PHF24: variants seen among roughly 807,000 people sequenced by gnomAD.
PHF24 encodes the protein PHD finger protein 24, also known as Galpha inhibitory interacting protein.
Under a neutral mutation model 42.6 loss-of-function variants are expected in PHF24, and 25 were observed. That is an observed-to-expected ratio of 0.59 (90% CI 0.43 to 0.82). The LOEUF (loss-of-function observed/expected upper bound fraction) is 0.82. Among genes scored for constraint, PHF24 ranks in the 40% least tolerant of loss-of-function variants. The pLI, the probability that PHF24 is intolerant of heterozygous loss-of-function variation, is 0.00. For missense variants in PHF24, 470 were observed against 538.1 expected (o/e 0.87, Z 1.25); for synonymous variants, 185 against 204.8 (o/e 0.90, Z 0.83).
chr9:34,766,650 C>T, the PHF24 span, among the ~76,000 whole-genome samples: 2 of 152,174 alleles, frequency 1.3e-5, no homozygotes, highest in Non-Finnish European at 2.9e-5. Flanking sequence ...TTTGAATTTC[C>T]TCCTGTAGCT....
At chr9:34,717,009 G>T in the PHF24 span, among the ~76,000 whole-genome samples, 1 of 152,152 alleles carries the variant, frequency 6.6e-6, no homozygotes, top group African/African-American at 2.4e-5. Context: ...TGTTTTCCAG[G>T]ACCTCCACAG....
chr9:34,674,405 TC>T, the PHF24 span, among the ~76,000 whole-genome samples: 5 of 152,254 alleles, frequency 3.3e-5, no homozygotes. Flanking sequence ...TGAAGCTGAG[TC>T]TGGATCAGGG....
chr9:34,969,127 A>G (rs1445452112), intron 1 of PHF24, among the ~76,000 whole-genome samples: 3 of 152,268 alleles, frequency 2.0e-5, no homozygotes, highest in African/African-American at 7.2e-5. Flanking sequence ...AAGGGAGGCC[A>G]GACCATGCAG....
At chr9:34,709,348 C>T in the PHF24 span, 5 of 1,600,946 alleles carry the variant, frequency 3.1e-6, no homozygotes, top group Non-Finnish European at 4.3e-6. Flanking sequence ...GCTTCAAGCG[C>T]TGGTGAGGCT....
chr9:34,945,654 G>T, the PHF24 span, among the ~76,000 whole-genome samples: 1 of 152,128 alleles, frequency 6.6e-6, no homozygotes, highest in African/African-American at 2.4e-5. Flanking sequence ...TTGATAAAAT[G>T]ATGTTTGGTC....
At chr9:34,969,745 T>C (rs753097364) in intron 1 of PHF24, among the ~76,000 whole-genome samples, 49 of 152,328 alleles carry the variant, frequency 3.2e-4, no homozygotes, top group Non-Finnish European at 6.0e-4. Context: ...ATTTCCATGG[T>C]AACAGATACA....
At chr9:34,923,013 G>T in the PHF24 span, 1 of 615,376 alleles carries the variant, frequency 1.6e-6, no homozygotes, top group Non-Finnish European at 2.5e-6. Context: ...CCTGGGCTCC[G>T]GCCCGCCTAG....
At chr9:34,847,941 T>A in the PHF24 span, among the ~76,000 whole-genome samples, 1 of 152,190 alleles carries the variant, frequency 6.6e-6, no homozygotes, top group Admixed American at 6.6e-5. Flanking sequence ...TGCATCCCAG[T>A]GATGAAGCCC....
the PHF24 span, among the ~76,000 whole-genome samples, chr9:34,878,312 G>A: frequency 6.6e-6 from 1 of 152,172 alleles, no homozygotes; most frequent in Admixed American, 6.5e-5. Flanking sequence ...TGACACAGAA[G>A]ACAGGTGATT....
chr9:34,824,795 T>C, the PHF24 span, among the ~76,000 whole-genome samples: 1 of 152,188 alleles, frequency 6.6e-6, no homozygotes, highest in Non-Finnish European at 1.5e-5. Context: ...GAGTGGTCAC[T>C]ATAGCTGTGG....
At chr9:34,762,590 G>A in the PHF24 span, among the ~76,000 whole-genome samples, 155 of 146,578 alleles carry the variant, frequency 1.1e-3, no homozygotes, top group Middle Eastern at 3.4e-3. Context: ...GTAGATTCTG[G>A]ATATTAGCCC....
At chr9:34,809,976 A>G in the PHF24 span, among the ~76,000 whole-genome samples, 1 of 150,624 alleles carries the variant, frequency 6.6e-6, no homozygotes, top group Non-Finnish European at 1.5e-5. This position sits in a 1 kb window ranked among gnomAD's most constrained non-coding sequence, Gnocchi z 4.1. Context: ...CTGCCGGCCA[A>G]GAAAGCCTCG....
At chr9:34,899,664 A>G in the PHF24 span, among the ~76,000 whole-genome samples, 4 of 152,172 alleles carry the variant, frequency 2.6e-5, no homozygotes, top group African/African-American at 7.2e-5. Flanking sequence ...GTCAGGCAGC[A>G]AAACCACCAG....
At chr9:34,967,618 C>G (rs1197067958) in intron 1 of PHF24, among the ~76,000 whole-genome samples, 2 of 152,090 alleles carry the variant, frequency 1.3e-5, no homozygotes, top group Non-Finnish European at 2.9e-5. Flanking sequence ...CTTGGGGTAC[C>G]TCTGTCACTG....
the PHF24 span, among the ~76,000 whole-genome samples, chr9:34,909,251 G>A: frequency 2.8e-4 from 42 of 152,264 alleles, no homozygotes; most frequent in African/African-American, 9.4e-4. Context: ...AGAGCACACC[G>A]CTATACCTGG....
At chr9:34,791,041 C>T in the PHF24 span, among the ~76,000 whole-genome samples, 1 of 152,294 alleles carries the variant, frequency 6.6e-6, no homozygotes, top group East Asian at 1.9e-4. Flanking sequence ...GAATTTCATT[C>T]TAAGTACGAT....
At chr9:34,688,437 A>G in the PHF24 span, among the ~76,000 whole-genome samples, 1 of 152,076 alleles carries the variant, frequency 6.6e-6, no homozygotes, top group Non-Finnish European at 1.5e-5. Context: ...CATCTCCCAG[A>G]GCTGAGATTC....
chr9:34,885,422 G>T, the PHF24 span, among the ~76,000 whole-genome samples: 1 of 152,054 alleles, frequency 6.6e-6, no homozygotes, highest in African/African-American at 2.4e-5. Flanking sequence ...ATCTCCTTAG[G>T]AACCAGGGGC....
the PHF24 span, among the ~76,000 whole-genome samples, chr9:34,814,821 A>T: frequency 6.6e-6 from 1 of 152,098 alleles, no homozygotes; most frequent in African/African-American, 2.4e-5. Flanking sequence ...TCTCACTGCA[A>T]CCTCTGCCTC....
Sources: gnomAD v4.1 joint callset for allele counts (sites outside exome capture counted in the v4.1 genomes callset) on GRCh38, gnomAD v4.1.1 for gene constraint, Gnocchi (gnomAD v3.1) non-coding constraint, MANE v1.5 for transcripts, NCBI Gene and HGNC (gene_info 2026-07-23, HGNC 2026-07-21) for gene names.